HEPACAM: variants seen among roughly 807,000 people sequenced by gnomAD.
HEPACAM encodes hepatic and glial cell adhesion molecule.
Under a neutral mutation model 38.3 loss-of-function variants are expected in HEPACAM, and 18 were observed. The observed-to-expected ratio is 0.47, with a 90% CI of 0.33 to 0.70. HEPACAM has a LOEUF of 0.70. Among genes scored for constraint, HEPACAM ranks in the 30% least tolerant of loss-of-function variants. HEPACAM has a pLI of 0.03. For missense variants in HEPACAM, 466 were observed against 563.0 expected, an observed-to-expected ratio of 0.83 and a Z score of 1.74; for synonymous variants, 216 against 243.1, an observed-to-expected ratio of 0.89 and a Z score of 1.04.
Position 124,923,954 on chromosome 11 carries a change from C to T in HEPACAM, c.484G>A (p.Glu162Lys), listed in dbSNP as rs146398351. 2.4e-5 allele frequency: 39 copies of T among 1,612,046 alleles called. No homozygotes were observed. Among genetic ancestry groups the T allele is most frequent in the South Asian group, 1.2e-4 (11 of 91,054 alleles). The change falls in exon 3 of 7, where the codon GAG (glutamate) becomes AAG (lysine). Residue 162 changes from glutamate (E) to lysine (K), a missense_variant. Glu to Lys is a moderately conservative substitution (Grantham distance 56, BLOSUM62 1). Transcript: ENST00000298251. Reference protein sequence around the residue: ...VASTTVLELSEAFTLNCSHEN... With the variant: ...VASTTVLELSKAFTLNCSHEN... ...TGTGAGCAGTTCAAGGTGAAGGCCT[C>T]GCTGAGCTCCAGCACAGTGGTTGAA...
intron 5 of HEPACAM, 109 bp downstream of exon 5, chr11:124,922,636 G>A (rs1290799224): frequency 1.2e-6 from 2 of 1,613,210 alleles, no homozygotes; most frequent in South Asian, 1.1e-5. Context: ...AGTTGGTGGG[G>A]GAAGGGTCCC....
chr11:124,922,922 G>A lies in HEPACAM; in HGVS notation c.804-104C>T, dbSNP rs139625642. 276 of 1,175,524 alleles carry A rather than the reference G, an allele frequency of 2.3e-4. No individual in the cohort carries two copies. The East Asian group carries it at 6.2e-3, about 26-fold the overall frequency. The allele number at this position is 1,175,524 out of a possible 1,614,324, so 72.8% of individuals were successfully genotyped here. A position where few individuals can be genotyped will look rare whatever the true frequency, so the allele number is the denominator to read the frequency against. On this transcript the variant is annotated intron_variant, in intron 4 of 6. Coordinates refer to ENST00000298251, the MANE Select transcript of HEPACAM (RefSeq NM_152722.5). Reference sequence around the variant, plus strand: ...CTGATGGCCATAAAAGAGGCCTTGTGACAGGAAGATGGGCTGGGTACAGTT... The same window carrying A: ...CTGATGGCCATAAAAGAGGCCTTGTAACAGGAAGATGGGCTGGGTACAGTT...
rs1338526962 is a variant in HEPACAM, at chr11:124,920,121, T to C, written c.*1017A>G. The C allele has an allele frequency of 5.4e-6, 7 of 1,306,844 alleles. No individual in the cohort carries two copies. Among genetic ancestry groups the C allele is most frequent in the African/African-American group, 1.5e-5 (1 of 67,534 alleles). 81.0% of individuals were successfully genotyped at this position (1,306,844 alleles called of 1,614,324 possible). A position where few individuals can be genotyped will look rare whatever the true frequency, so the allele number is the denominator to read the frequency against. On this transcript the variant is annotated 3_prime_UTR_variant, in exon 7 of 7. Coordinates refer to ENST00000298251, the MANE Select transcript of HEPACAM (RefSeq NM_152722.5). ...GTTGGATCATGTTCCCCCCAAATGC[T>C]GGGAAGCAATAAGCCTCCTCCTCCC...
Position 124,925,018 on chromosome 11 carries a change from G to A in HEPACAM, c.137C>T (p.Thr46Ile). The A allele has an allele frequency of 6.2e-7, 1 of 1,606,746 alleles. No individual in the cohort carries two copies. The highest frequency in any genetic ancestry group is 8.5e-7 in the Non-Finnish European group (1 of 1,174,222). Residue 46 changes from threonine to isoleucine, a missense_variant, in exon 2 of 7, where the codon ACC (threonine) becomes ATC (isoleucine). Transcript: ENST00000298251. ...ITSPVRLIHG[T>I]VGKSALLSVQ... is the part of the protein sequence containing the mutation. ...AGAAAGCAGAGCCGACTTCCCCACG[G>A]TGCCATGGATCAGGCGCACGGGGCT...
chr11:124,934,879 C>T (rs971731542), intron 1 of HEPACAM, among the ~76,000 whole-genome samples: 1 of 152,130 alleles, frequency 6.6e-6, no homozygotes, highest in Non-Finnish European at 1.5e-5. Context: ...CTCATTCCCT[C>T]ACCTCTCAAT....
chr11:124,920,090 C>T lies in HEPACAM; in HGVS notation c.*1048G>A, dbSNP rs1343187921. 2.7e-6 allele frequency: 4 copies of T among 1,509,004 alleles called. No individual in the cohort carries two copies. In the East Asian group the frequency reaches 9.1e-5, roughly 34 times the overall value. The allele number at this position is 1,509,004 out of a possible 1,614,324, so 93.5% of individuals were successfully genotyped here. ...AGCAGGGCAGATGGGTGGCAGGAGG[C>T]CAGGGGTTGGATCATGTTCCCCCCA... is the stretch of plus-strand genomic sequence containing the variant. On this transcript the variant is annotated 3_prime_UTR_variant, in exon 7 of 7. Transcript: ENST00000298251.
Position 124,936,018 on chromosome 11 carries a change from T to C in HEPACAM, c.-12A>G. On this transcript the variant is annotated 5_prime_UTR_variant, in exon 1 of 7. Transcript: ENST00000298251. ...CTTTCTCTCTTCATTTTGGGTGGCG[T>C]TCTCCAGCTCTAGTGCAGACAATTA... is the stretch of plus-strand genomic sequence containing the variant. 1 of 1,612,540 alleles carries C rather than the reference T, an allele frequency of 6.2e-7. No individual in the cohort carries two copies. Among genetic ancestry groups the C allele is most frequent in the Non-Finnish European group, 8.5e-7 (1 of 1,178,726 alleles).
intron 1 of HEPACAM, among the ~76,000 whole-genome samples, chr11:124,930,382 C>T (rs765064576): frequency 2.6e-5 from 4 of 152,098 alleles, no homozygotes; most frequent in East Asian, 1.9e-4. Flanking sequence ...TCATTTGAAG[C>T]GCCAGTTATT....
At chr11:124,933,337 A>G (rs1041307931) in intron 1 of HEPACAM, among the ~76,000 whole-genome samples, 1 of 152,006 alleles carries the variant, frequency 6.6e-6, no homozygotes, top group African/African-American at 2.4e-5. Context: ...AGGTCTGGCT[A>G]ATTTTTTCAT....
intron 1 of HEPACAM, among the ~76,000 whole-genome samples, chr11:124,931,534 C>T (rs899566145): frequency 3.9e-5 from 6 of 152,176 alleles, no homozygotes; most frequent in Non-Finnish European, 8.8e-5. Flanking sequence ...CCAGTTCATA[C>T]CCAATAGGAT....
chr11:124,926,986 A>G (rs1269631259), intron 1 of HEPACAM, among the ~76,000 whole-genome samples: 5 of 152,080 alleles, frequency 3.3e-5, no homozygotes, highest in Non-Finnish European at 5.9e-5. Flanking sequence ...CTCCTGCCTC[A>G]GCCTCCTCAG....
chr11:124,935,861 C>T (rs1591555329), intron 1 of HEPACAM, 61 bp downstream of exon 1: 25 of 1,445,108 alleles, frequency 1.7e-5, no homozygotes, highest in Admixed American at 1.2e-4. Flanking sequence ...CTCTCCCCTC[C>T]GTCTGCTGTA....
At chr11:124,932,225 A>G (rs760223112) in intron 1 of HEPACAM, among the ~76,000 whole-genome samples, 11 of 152,180 alleles carry the variant, frequency 7.2e-5, no homozygotes, top group Non-Finnish European at 1.6e-4. Flanking sequence ...TTTTTAATAA[A>G]CAATTTAAAA....
intron 4 of HEPACAM, 28 bp from the exon 5 acceptor site, chr11:124,922,846 G>A: frequency 6.2e-7 from 1 of 1,612,198 alleles, no homozygotes; most frequent in South Asian, 1.1e-5. Context: ...CCCACTATGA[G>A]CCGAATTATT....
In HEPACAM at chr11:124,921,218, C is replaced by T. The variant is rs1249050744; in HGVS notation, c.1171G>A (p.Ala391Thr). ...APSSPGRSRS[A>T]SRTLRTAGVH... Reference sequence around the variant, plus strand: ...CCCGCAGTCCGCAGTGTGCGCGAGGCGCTGCGCGAGCGGCCGGGCGAGCTC... The same window carrying T: ...CCCGCAGTCCGCAGTGTGCGCGAGGTGCTGCGCGAGCGGCCGGGCGAGCTC... The change falls in exon 7 of 7, where the codon GCC becomes ACC. Residue 391 changes from alanine to threonine, a missense_variant. Transcript: ENST00000298251. The surrounding 1 kb of genome is among the most constrained non-coding windows in gnomAD (Gnocchi z 4.6). 2.0e-6 allele frequency: 3 copies of T among 1,478,314 alleles called. No individual in the cohort carries two copies. Among genetic ancestry groups the T allele is most frequent in the Non-Finnish European group, 2.7e-6 (3 of 1,121,202 alleles). 91.6% of individuals were successfully genotyped at this position (1,478,314 alleles called of 1,614,324 possible).
intron 3 of HEPACAM, 121 bp downstream of exon 3, chr11:124,923,608 T>G (rs1267073367): frequency 7.0e-6 from 9 of 1,292,440 alleles, no homozygotes; most frequent in Admixed American, 5.4e-5. Context: ...CCTCCATGGA[T>G]AGTTGGCCCA....
Position 124,920,812 on chromosome 11 carries a change from G to C in HEPACAM, c.*326C>G, listed in dbSNP as rs1947121512. 8.8e-7 allele frequency: 1 copy of C among 1,135,484 alleles called. No homozygotes were observed. The highest frequency in any genetic ancestry group is 1.6e-5 in the African/African-American group (1 of 61,062). The allele number at this position is 1,135,484 out of a possible 1,614,324, so 70.3% of individuals were successfully genotyped here. ...GGATAGTCACGGGGGTTAGGTTACT[G>C]ATGTTAGTTTCCATAAAACCCTTTT... is the stretch of plus-strand genomic sequence containing the variant. On this transcript the variant is annotated 3_prime_UTR_variant, in exon 7 of 7. Coordinates refer to ENST00000298251, the MANE Select transcript of HEPACAM (RefSeq NM_152722.5).
intron 6 of HEPACAM, 25 bp downstream of exon 6, chr11:124,922,363 G>C (rs1224450009): frequency 1.2e-6 from 2 of 1,607,742 alleles, no homozygotes; most frequent in African/African-American, 2.7e-5. Context: ...GCATGTTTCT[G>C]GGCACCCAGT....
chr11:124,932,912 TA>T (rs768290427), intron 1 of HEPACAM, among the ~76,000 whole-genome samples: 2 of 152,198 alleles, frequency 1.3e-5, no homozygotes, highest in African/African-American at 2.4e-5. Flanking sequence ...AAAAACTTCA[TA>T]GAGTAGAGTC....
Sources: allele counts gnomAD v4.1 joint callset (sites outside exome capture counted in the v4.1 genomes callset), GRCh38; gene constraint gnomAD v4.1.1; non-coding constraint Gnocchi (gnomAD v3.1); transcripts MANE v1.5; gene names NCBI Gene and HGNC (gene_info 2026-07-23, HGNC 2026-07-21).